Variants in ALG9 observed in about 807,000 individuals in gnomAD.
The protein encoded by ALG9 is alpha-1,2-mannosyltransferase ALG9.
Under a neutral mutation model 81.8 loss-of-function variants are expected in ALG9, and 55 were observed. That is an observed-to-expected ratio of 0.67 (90% confidence interval 0.54 to 0.84). The LOEUF (loss-of-function observed/expected upper bound fraction) is 0.84, where lower values mean the gene tolerates loss of function less well. Among genes scored for constraint, ALG9 ranks in the 40% least tolerant of loss-of-function variants. ALG9 has a pLI of 0.00. For missense variants in ALG9, 629 were observed against 745.0 expected, an observed-to-expected ratio of 0.84 and a Z score of 1.81; for synonymous variants, 278 against 274.3, an observed-to-expected ratio of 1.01 and a Z score of -0.13.
In ALG9 at chr11:111,865,229, C is replaced by A; in HGVS notation, c.428G>T (p.Arg143Leu). 6.4e-7 allele frequency: 1 copy of A among 1,552,004 alleles called. No individual in the cohort carries two copies. The highest frequency in any genetic ancestry group is 8.7e-7 in the Non-Finnish European group (1 of 1,147,506). ...ACAGCTCACAAAAGCCAGAAGACAT[C>A]GCAAAAAGTAAAACACAAGAATCTA... ...TNKILVFYFL[R>L]CLLAFVSCIC... Residue 143 changes from arginine (R) to leucine (L), a missense_variant, in exon 4 of 15, where the codon CGA becomes CTA. By Grantham distance (102) the Arg-to-Leu change is moderately radical. Coordinates refer to ENST00000616540, the MANE Select transcript of ALG9 (RefSeq NM_024740.2).
rs529773203 is a variant in ALG9, at chr11:111,858,598, C to T, written c.566-861G>A. ...TAGCCCCCTAATTAGTTCCATCTAC[C>T]TCAACCTTGTTTTATACAGCAGAGG... On this transcript the variant is annotated intron_variant, in intron 5 of 14. Transcript: ENST00000616540. 2.6e-5 allele frequency among the ~76,000 whole-genome samples: 4 copies of T among 152,302 alleles called. No homozygotes were observed. In the South Asian group the frequency reaches 8.3e-4, roughly 32 times the overall value.
chr11:111,864,579 C>T (rs1459173259), intron 4 of ALG9: 3 of 534,586 alleles, frequency 5.6e-6, no homozygotes, highest in South Asian at 2.4e-5. Context: ...CTGTAATATA[C>T]GAACTTCTAG....
chr11:111,859,873 T>C lies in ALG9; in HGVS notation c.565+674A>G, dbSNP rs576791490. On this transcript the variant is annotated intron_variant, in intron 5 of 14. Transcript: ENST00000616540. ...GCAGAAACTAAAATTGAGACAATTATATCCAGTAACTTAATTTTTCTGGAG... is the reference window on the plus strand; with the variant it reads ...GCAGAAACTAAAATTGAGACAATTACATCCAGTAACTTAATTTTTCTGGAG... 2.8e-4 allele frequency among the ~76,000 whole-genome samples: 42 copies of C among 152,216 alleles called. 1 individual carries two copies. The highest frequency in any genetic ancestry group is 3.7e-4 in the Non-Finnish European group (25 of 68,026).
intron 13 of ALG9, among the ~76,000 whole-genome samples, chr11:111,815,067 G>A (rs782117164): frequency 2.0e-5 from 3 of 151,994 alleles, no homozygotes; most frequent in African/African-American, 4.8e-5. Flanking sequence ...ATTTGGTGTC[G>A]GGTACAAGGC....
At chr11:111,857,508 C>G in intron 6 of ALG9, 94 bp downstream of exon 6, 1 of 1,550,576 alleles carries the variant, frequency 6.4e-7, no homozygotes, top group Middle Eastern at 1.7e-4. Context: ...AATTGATTAA[C>G]TTCAGATTCT....
chr11:111,868,530 C>T, intron 3 of ALG9, 72 bp downstream of exon 3: 1 of 1,531,420 alleles, frequency 6.5e-7, no homozygotes, highest in South Asian at 1.2e-5. Context: ...TCATTTTGTC[C>T]TTTTCTCAAA....
chr11:111,853,668 A>G lies in ALG9; in HGVS notation c.770T>C (p.Met257Thr). The change falls in exon 7 of 15, where the codon ATG becomes ACG. Residue 257 changes from methionine to threonine, a missense_variant. This residue lies in a region of ALG9 where 344 missense variants were observed against 390.5 expected (regional missense o/e 0.88). Coordinates refer to ENST00000616540, the MANE Select transcript of ALG9 (RefSeq NM_024740.2). The stretch of plus-strand genomic sequence containing the variant: ...ACTCACCAGAAATAGTATGAGGGCC[A>G]TCAGCGACCAATGAAAGAAACTCTT... Reference protein sequence around the residue: ...RWKSFFHWSLMALILFLVPVV... With the variant: ...RWKSFFHWSLTALILFLVPVV... 2.5e-6 allele frequency: 4 copies of G among 1,614,180 alleles called. No homozygotes were observed. The highest frequency in any genetic ancestry group is 3.4e-6 in the Non-Finnish European group (4 of 1,180,002).
chr11:111,860,476 G>A, intron 5 of ALG9, 71 bp downstream of exon 5: 1 of 1,249,636 alleles, frequency 8.0e-7, no homozygotes, highest in Non-Finnish European at 1.2e-6. Flanking sequence ...TGGTGAACCT[G>A]CAATTCCCTC....
intron 13 of ALG9, among the ~76,000 whole-genome samples, chr11:111,829,911 C>T (rs919355352): frequency 2.6e-5 from 4 of 152,094 alleles, no homozygotes; most frequent in Admixed American, 6.5e-5. Context: ...ATGAGGGCCC[C>T]GGCTCAGGAC....
rs150271382 is a variant in ALG9, at chr11:111,848,045, C to T, written c.896-3322G>A. 1.4e-4 allele frequency among the ~76,000 whole-genome samples: 22 copies of T among 152,260 alleles called. No individual in the cohort carries two copies. The East Asian group carries it at 3.9e-3, about 27-fold the overall frequency. On this transcript the variant is annotated intron_variant, in intron 8 of 14. Coordinates refer to ENST00000616540, the MANE Select transcript of ALG9 (RefSeq NM_024740.2). ...GGTCTTGTTTTCAGTGCAAAGAACA[C>T]GGGCTTTGAAGTCAGACAACACTAG...
chr11:111,864,790 T>C (rs528929870), intron 4 of ALG9, among the ~76,000 whole-genome samples: 49 of 152,158 alleles, frequency 3.2e-4, no homozygotes, highest in Non-Finnish European at 6.8e-4. Flanking sequence ...TTCTCTTTTT[T>C]TTTTGAGATG....
At chr11:111,849,090 G>A (rs551556884) in intron 8 of ALG9, among the ~76,000 whole-genome samples, 3 of 150,398 alleles carry the variant, frequency 2.0e-5, no homozygotes, top group East Asian at 2.0e-4. Flanking sequence ...TCCCTCTGTC[G>A]CCCAGGCTGG....
intron 13 of ALG9, among the ~76,000 whole-genome samples, chr11:111,820,373 A>T (rs1952131251): frequency 6.6e-6 from 1 of 152,254 alleles, no homozygotes; most frequent in South Asian, 2.1e-4. Flanking sequence ...TTACTGTGCC[A>T]TCTCATGGCA....
chr11:111,770,226 C>A, the ALG9 span, among the ~76,000 whole-genome samples: 1 of 152,308 alleles, frequency 6.6e-6, no homozygotes. Context: ...CCAACCCAGA[C>A]CTACTGAATT....
At chr11:111,827,944 T>C (rs1413816994) in intron 13 of ALG9, among the ~76,000 whole-genome samples, 6 of 151,564 alleles carry the variant, frequency 4.0e-5, no homozygotes, top group Non-Finnish European at 8.8e-5. Context: ...TCCCAGCACT[T>C]TGGGAGGCCA....
chr11:111,855,043 AC>A (rs1337555290), intron 6 of ALG9, among the ~76,000 whole-genome samples: 9 of 152,348 alleles, frequency 5.9e-5, no homozygotes, highest in Non-Finnish European at 1.3e-4. Flanking sequence ...GGAAGAACTG[AC>A]AAAAAGAAGC....
chr11:111,819,227 A>C (rs1555100872), intron 13 of ALG9, among the ~76,000 whole-genome samples: 1 of 152,238 alleles, frequency 6.6e-6, no homozygotes, highest in Non-Finnish European at 1.5e-5. Flanking sequence ...TCTGCTGTCT[A>C]TCCAGCTGCC....
downstream of ALG9, chr11:111,778,338 T>C (rs1945752495): frequency 6.6e-6 from 1 of 152,234 alleles, no homozygotes; most frequent in Non-Finnish European, 1.5e-5. Flanking sequence ...AGTCATTCAT[T>C]CTTTTTTTCC....
chr11:111,789,628 T>C (rs1591789780), intron 14 of ALG9, among the ~76,000 whole-genome samples: 1 of 147,352 alleles, frequency 6.8e-6, no homozygotes, highest in Non-Finnish European at 1.5e-5. Context: ...AGGTCAGGAG[T>C]TCAAGACCAG....
Sources: gnomAD v4.1 joint callset for allele counts (sites outside exome capture counted in the v4.1 genomes callset) on GRCh38, gnomAD v4.1.1 for gene constraint, gnomAD v4.1.1 regional missense constraint, MANE v1.5 for transcripts, NCBI Gene and HGNC (gene_info 2026-07-23, HGNC 2026-07-21) for gene names.